GALNTL5: variants seen among roughly 807,000 people sequenced by gnomAD.
GALNTL5 encodes inactive polypeptide N-acetylgalactosaminyltransferase-like protein 5.
GALNTL5 carries 44 observed loss-of-function variants against 51.0 expected under a neutral mutation model. The ratio of observed to expected loss-of-function variants is 0.86; its 90% CI spans 0.68 to 1.11. The LOEUF is 1.11. Among genes scored for constraint, GALNTL5 ranks in the 50% least tolerant of loss-of-function variants. GALNTL5 has a pLI of 0.00. For missense variants in GALNTL5, 528 were observed against 531.8 expected, an observed-to-expected ratio of 0.99 and a Z score of 0.07; for synonymous variants, 192 against 182.8, an observed-to-expected ratio of 1.05 and a Z score of -0.41.
intron 3 of GALNTL5, 25 bp downstream of exon 3, chr7:151,971,090 A>G: frequency 9.8e-6 from 14 of 1,428,142 alleles, no homozygotes; most frequent in Non-Finnish European, 1.4e-5. Context: ...TCTTTCTCTC[A>G]TTCTCTAGAT....
intron 1 of GALNTL5, among the ~76,000 whole-genome samples, chr7:151,957,055 C>G (rs2151934164): frequency 6.6e-6 from 1 of 151,264 alleles, no homozygotes; most frequent in African/African-American, 2.4e-5. Context: ...ATCTGTAATT[C>G]CAGCTCCTGG....
chr7:151,980,730 A>G (rs11763539), intron 3 of GALNTL5, among the ~76,000 whole-genome samples: 53,658 of 139,086 alleles, frequency 0.39, 11,078 homozygotes, highest in Middle Eastern at 0.49. Flanking sequence ...TTGCAGTGCT[A>G]ACAATGATTT....
intron 3 of GALNTL5, among the ~76,000 whole-genome samples, chr7:151,976,777 C>T (rs2081211663): frequency 3.9e-5 from 6 of 152,244 alleles, no homozygotes; most frequent in African/African-American, 1.2e-4. Flanking sequence ...AAGCAATTCT[C>T]CTGCCTCAGC....
chr7:151,958,576 T>C (rs2080954024), intron 1 of GALNTL5, among the ~76,000 whole-genome samples: 1 of 152,212 alleles, frequency 6.6e-6, no homozygotes, highest in South Asian at 2.1e-4. Context: ...AAGGGGTGTG[T>C]TGCAGCTCAT....
intron 3 of GALNTL5, among the ~76,000 whole-genome samples, chr7:151,974,934 G>A (rs4323394): frequency 0.66 from 100,101 of 152,016 alleles, 33,327 homozygotes; most frequent in South Asian, 0.78. Flanking sequence ...TGTACAAAGA[G>A]CCCACTACTA....
intron 1 of GALNTL5, among the ~76,000 whole-genome samples, chr7:151,958,254 A>G (rs2374320): frequency 0.24 from 36,561 of 152,064 alleles, 5,240 homozygotes; most frequent in African/African-American, 0.37. Flanking sequence ...CTCGGCTGGC[A>G]CTACCGACCT....
intron 5 of GALNTL5, among the ~76,000 whole-genome samples, chr7:152,002,316 C>T (rs972801409): frequency 6.6e-6 from 1 of 151,966 alleles, no homozygotes; most frequent in Non-Finnish European, 1.5e-5. Flanking sequence ...GAGCAAAAGT[C>T]GTGATGCATG....
chr7:151,969,281 T>C (rs2081097690), intron 2 of GALNTL5, among the ~76,000 whole-genome samples: 1 of 152,210 alleles, frequency 6.6e-6, no homozygotes, highest in Non-Finnish European at 1.5e-5. Flanking sequence ...ATGTTTTCTT[T>C]TGGAAATGAA....
chr7:151,958,756 C>G (rs547520186), intron 1 of GALNTL5, among the ~76,000 whole-genome samples: 162 of 152,202 alleles, frequency 1.1e-3, no homozygotes, highest in South Asian at 2.1e-3. Flanking sequence ...TCGGTGGGTC[C>G]CAGGTCCTTG....
intron 1 of GALNTL5, chr7:151,960,039 C>A (rs1449561569): frequency 6.6e-6 from 1 of 152,166 alleles, no homozygotes; most frequent in East Asian, 1.9e-4. Flanking sequence ...GATAATCAGG[C>A]CCTGGGCATG....
chr7:151,973,358 G>C (rs545862731), intron 3 of GALNTL5, among the ~76,000 whole-genome samples: 13 of 151,954 alleles, frequency 8.6e-5, no homozygotes, highest in African/African-American at 3.1e-4. Flanking sequence ...CCAGCTACTT[G>C]GGAGGCTGAG....
chr7:151,970,000 C>T (rs2081112505), intron 2 of GALNTL5, among the ~76,000 whole-genome samples: 1 of 151,210 alleles, frequency 6.6e-6, no homozygotes, highest in East Asian at 2.0e-4. Context: ...TTAGGAGAGA[C>T]GGGGTTTCAC....
At chr7:152,003,675 A>G (rs2081609970) in intron 6 of GALNTL5, among the ~76,000 whole-genome samples, 1 of 152,256 alleles carries the variant, frequency 6.6e-6, no homozygotes. Flanking sequence ...ATAAAATGTA[A>G]TATGTAGAAA....
chr7:151,959,897 C>G (rs915516884), intron 1 of GALNTL5, among the ~76,000 whole-genome samples: 1 of 152,102 alleles, frequency 6.6e-6, no homozygotes, highest in East Asian at 1.9e-4. Flanking sequence ...TTCCTGTGGA[C>G]CTGGGCCTTC....
At chr7:151,979,106 C>CCTTTTTTTTTTT (rs1554405638) in intron 3 of GALNTL5, among the ~76,000 whole-genome samples, 2 of 71,164 alleles carry the variant, frequency 2.8e-5, no homozygotes, top group South Asian at 4.6e-4. Context: ...TACTTTTACT[C>CCTTTTTTTTTTT]TTTTTTTTTT....
intron 8 of GALNTL5, among the ~76,000 whole-genome samples, chr7:152,017,001 G>A (rs969206434): frequency 2.4e-4 from 35 of 147,490 alleles, no homozygotes; most frequent in Non-Finnish European, 3.4e-4. Context: ...TCACACCACC[G>A]CACTCCAACC....
At chr7:151,980,766 G>GTTTTTT (rs2081269977) in intron 3 of GALNTL5, among the ~76,000 whole-genome samples, 1 of 44,286 alleles carries the variant, frequency 2.3e-5, no homozygotes, top group African/African-American at 8.8e-5. Context: ...TTTTTTTTGA[G>GTTTTTT]ATGGAGTCTC....
chr7:151,983,246 C>T (rs781245755), intron 4 of GALNTL5, 94 bp downstream of exon 4: 18 of 1,016,624 alleles, frequency 1.8e-5, no homozygotes, highest in East Asian at 4.9e-5. Flanking sequence ...GGTACCATCT[C>T]GGCTCACTGC....
At chr7:151,991,059 TGCG>T in intron 5 of GALNTL5, among the ~76,000 whole-genome samples, 1 of 152,116 alleles carries the variant, frequency 6.6e-6, no homozygotes, top group Non-Finnish European at 1.5e-5. Flanking sequence ...TTCCTTACCC[TGCG>T]ATCATGATGA....
Sources: gnomAD v4.1 joint callset for allele counts (sites outside exome capture counted in the v4.1 genomes callset) on GRCh38, gnomAD v4.1.1 for gene constraint, MANE v1.5 for transcripts, NCBI Gene and HGNC (gene_info 2026-07-23, HGNC 2026-07-21) for gene names.